TGFA: variants seen among roughly 807,000 people sequenced by gnomAD.
The protein encoded by TGFA is protransforming growth factor alpha.
TGFA carries 12 observed loss-of-function variants against 21.7 expected under a neutral mutation model. The ratio of observed to expected loss-of-function variants is 0.55; its 90% confidence interval spans 0.35 to 0.90. The LOEUF is 0.90. Ranked by LOEUF, TGFA falls within the 40% of genes least tolerant of loss-of-function variation. The pLI, the probability that TGFA is intolerant of heterozygous loss-of-function variation, is 0.01. For synonymous variants in TGFA, 79 were observed against 88.1 expected (o/e 0.90, Z 0.58); for missense variants, 178 against 210.8 (o/e 0.84, Z 0.96).
At position 70,450,831 on chromosome 2, in the gene TGFA, A is replaced by C; in HGVS notation, c.*28T>G. On this transcript the variant is annotated 3_prime_UTR_variant, in exon 6 of 6. Coordinates refer to ENST00000295400, the MANE Select transcript of TGFA (RefSeq NM_003236.4). ...TTTCTTTATTGATCTGCCACAGTCC[A>C]CCTGGCCAAACTCCTCCTCTGGGCT... 6.2e-7 allele frequency: 1 copy of C among 1,608,644 alleles called. No individual in the cohort carries two copies.
At position 70,484,405 on chromosome 2, in the gene TGFA, C is replaced by A. The variant is rs17005680; in HGVS notation, c.95-18669G>T. Among the ~76,000 whole-genome samples the A allele has an allele frequency of 4.0e-3, 608 of 152,300 alleles. 3 individuals carry two copies. The highest frequency in any genetic ancestry group is 0.014 in the African/African-American group (585 of 41,562). ...TCAACCATCTATCTACAGAATTGAT[C>A]TATGATGATTTAACTTTTGATATCC... On this transcript the variant is annotated intron_variant, in intron 2 of 5. Transcript: ENST00000295400.
Position 70,447,975 on chromosome 2 carries a change from C to T in TGFA, c.*2884G>A, listed in dbSNP as rs1273228008. The T allele has an allele frequency of 6.6e-6, 1 of 152,238 alleles. No homozygotes were observed. The highest frequency in any genetic ancestry group is 2.4e-5 in the African/African-American group (1 of 41,454). 9.4% of individuals were successfully genotyped at this position (152,238 alleles called of 1,614,324 possible). On this transcript the variant is annotated 3_prime_UTR_variant, in exon 6 of 6. Coordinates refer to ENST00000295400, the MANE Select transcript of TGFA (RefSeq NM_003236.4). ...GATAACAGGCAGTTTTCTGTACCTG[C>T]AAAACACAATCCCTTGAGAAGCTCC...
chr2:70,453,325 C>A lies in TGFA; in HGVS notation c.368G>T (p.Cys123Phe), dbSNP rs1465708840. The A allele has an allele frequency of 1.1e-5, 17 of 1,612,880 alleles. No homozygotes were observed. Among genetic ancestry groups the A allele is most frequent in the Non-Finnish European group, 1.4e-5 (16 of 1,179,426 alleles). Residue 123 changes from cysteine (C) to phenylalanine (F), a missense_variant and splice_region_variant, in exon 5 of 6, where the codon TGC (cysteine) becomes TTC (phenylalanine). Coordinates refer to ENST00000295400, the MANE Select transcript of TGFA (RefSeq NM_003236.4). ...CTCACAGTGTTTTCGGACCTGGCAG[C>A]AGCTGCAAAGACACAGAGGACCCAG... ...VLIITCVLIH[C>F]CQVRKHCEWC...
intron 3 of TGFA, 145 bp downstream of exon 3, chr2:70,465,471 C>T: frequency 9.4e-7 from 1 of 1,059,100 alleles, no homozygotes; most frequent in Non-Finnish European, 1.3e-6. Flanking sequence ...AAAGGTGTCC[C>T]TCAGCCCCAC....
At chr2:70,457,646 G>A (rs1670277866) in intron 3 of TGFA, among the ~76,000 whole-genome samples, 2 of 151,586 alleles carry the variant, frequency 1.3e-5, no homozygotes, top group African/African-American at 4.8e-5. Flanking sequence ...AGTTCAAGTG[G>A]TTCTCCTGCC....
intron 2 of TGFA, among the ~76,000 whole-genome samples, chr2:70,489,996 C>T (rs1167147332): frequency 6.6e-6 from 1 of 152,162 alleles, no homozygotes; most frequent in African/African-American, 2.4e-5. Flanking sequence ...CACCCCCACA[C>T]CCAGAGATAA....
chr2:70,549,416 C>G lies in TGFA; in HGVS notation c.40+4312G>C, dbSNP rs114464115. 9.5e-3 allele frequency among the ~76,000 whole-genome samples: 1,442 copies of G among 152,306 alleles called. 27 individuals carry two copies. The highest frequency in any genetic ancestry group is 0.033 in the African/African-American group (1,360 of 41,550). On this transcript the variant is annotated intron_variant, in intron 1 of 5. Coordinates refer to ENST00000295400, the MANE Select transcript of TGFA (RefSeq NM_003236.4). ...TCCAAGGGTCCCTTCTGCCCTTTCCCCATCAGCAACATACGCCACACCTGG... is the reference window on the plus strand; with the variant it reads ...TCCAAGGGTCCCTTCTGCCCTTTCCGCATCAGCAACATACGCCACACCTGG...
chr2:70,478,043 C>A (rs1553494792), intron 2 of TGFA, among the ~76,000 whole-genome samples: 1 of 152,046 alleles, frequency 6.6e-6, no homozygotes, highest in African/African-American at 2.4e-5. Context: ...AATCTGAAGT[C>A]AATCTGGCCC....
chr2:70,521,011 C>T (rs1209830841), intron 1 of TGFA, among the ~76,000 whole-genome samples: 1 of 152,080 alleles, frequency 6.6e-6, no homozygotes, highest in Non-Finnish European at 1.5e-5. Context: ...CCCCTGCATC[C>T]CTGCTGTTAC....
At chr2:70,470,238 T>TTGGG (rs1670698380) in intron 2 of TGFA, among the ~76,000 whole-genome samples, 1 of 148,450 alleles carries the variant, frequency 6.7e-6, no homozygotes, top group South Asian at 2.2e-4. Context: ...GAAGGAGAGA[T>TTGGG]TGGGACAAAG....
At chr2:70,472,170 T>C (rs1670771188) in intron 2 of TGFA, among the ~76,000 whole-genome samples, 1 of 152,140 alleles carries the variant, frequency 6.6e-6, no homozygotes, top group African/African-American at 2.4e-5. Flanking sequence ...CAGCAGGGAA[T>C]ATCCAAAGAA....
chr2:70,503,579 T>TAAAAAAAAAA (rs372379367), intron 2 of TGFA, among the ~76,000 whole-genome samples: 1 of 134,478 alleles, frequency 7.4e-6, no homozygotes, highest in East Asian at 2.1e-4. Context: ...ATAATAATAA[T>TAAAAAAAAAA]AATAAAAAAA....
intron 5 of TGFA, among the ~76,000 whole-genome samples, chr2:70,451,911 C>A (rs1162088374): frequency 6.6e-6 from 1 of 152,166 alleles, no homozygotes; most frequent in Admixed American, 6.5e-5. Context: ...CACTGTAAGG[C>A]TGAATGGATT....
chr2:70,522,246 A>G (rs1672495417), intron 1 of TGFA, among the ~76,000 whole-genome samples: 1 of 152,138 alleles, frequency 6.6e-6, no homozygotes, highest in Non-Finnish European at 1.5e-5. Context: ...GTCTCATCAA[A>G]GACTTGGACT....
chr2:70,487,209 T>C (rs1671295868), intron 2 of TGFA, among the ~76,000 whole-genome samples: 1 of 152,236 alleles, frequency 6.6e-6, no homozygotes, highest in Non-Finnish European at 1.5e-5. Flanking sequence ...AACTTTGGAA[T>C]ATAAATATTG....
In TGFA at chr2:70,533,979, G is replaced by GA. The variant is rs1298121338; in HGVS notation, c.41-19068dup. On this transcript the variant is annotated intron_variant, in intron 1 of 5. Transcript: ENST00000295400. ...TGCATACAACTCTCTTTATCTAAAG[G>GA]AAAAAAAAAAATACACCTTTAACAA... Among the ~76,000 whole-genome samples the GA allele has an allele frequency of 8.4e-3, 1,216 of 145,460 alleles. 15 individuals carry two copies. Among genetic ancestry groups the GA allele is most frequent in the African/African-American group, 0.027 (1,091 of 40,010 alleles).
At chr2:70,493,452 C>G (rs1266143888) in intron 2 of TGFA, among the ~76,000 whole-genome samples, 11 of 152,112 alleles carry the variant, frequency 7.2e-5, no homozygotes, top group Non-Finnish European at 1.6e-4. Context: ...GCAGAAAGAC[C>G]TAGGACCACC....
At chr2:70,530,625 C>A (rs1029321301) in intron 1 of TGFA, among the ~76,000 whole-genome samples, 21 of 152,228 alleles carry the variant, frequency 1.4e-4, no homozygotes, top group South Asian at 4.1e-4. Context: ...TCTAAGGTAA[C>A]CCCAGGTTTA....
intron 2 of TGFA, among the ~76,000 whole-genome samples, chr2:70,510,633 C>G (rs886796296): frequency 6.6e-6 from 1 of 152,184 alleles, no homozygotes; most frequent in Non-Finnish European, 1.5e-5. Flanking sequence ...TCACCTCCAG[C>G]CTCAGTCACC....
Sources: gnomAD v4.1 joint callset for allele counts (sites outside exome capture counted in the v4.1 genomes callset) on GRCh38, gnomAD v4.1.1 for gene constraint, MANE v1.5 for transcripts, NCBI Gene and HGNC (gene_info 2026-07-23, HGNC 2026-07-21) for gene names.